Variants in GPHN observed in about 807,000 individuals in gnomAD.
GPHN encodes gephyrin.
A neutral mutation model predicts 95.5 loss-of-function variants in GPHN; 17 were observed. That is an observed-to-expected ratio of 0.18 (90% CI 0.12 to 0.27). The LOEUF (loss-of-function observed/expected upper bound fraction) is 0.27, where lower values mean the gene tolerates loss of function less well. Among genes scored for constraint, GPHN ranks in the 10% least tolerant of loss-of-function variants. The pLI, the probability that GPHN is intolerant of heterozygous loss-of-function variation, is 1.00. For missense variants in GPHN, 660 were observed against 978.1 expected (o/e 0.67, Z 4.34); for synonymous variants, 320 against 322.5 (o/e 0.99, Z 0.08).
At chr14:67,531,203 C>T in the GPHN span, among the ~76,000 whole-genome samples, 2 of 152,164 alleles carry the variant, frequency 1.3e-5, no homozygotes, top group African/African-American at 4.8e-5. Context: ...ACTGCTTGAG[C>T]CTAGGAGTTC....
At chr14:67,593,781 T>C in the GPHN span, 1 of 1,613,460 alleles carries the variant, frequency 6.2e-7, no homozygotes, top group South Asian at 1.1e-5. Flanking sequence ...TCCTTGACCT[T>C]GCCCATTTCT....
the GPHN span, among the ~76,000 whole-genome samples, chr14:67,373,129 A>T: frequency 6.6e-6 from 1 of 152,344 alleles, no homozygotes; most frequent in East Asian, 1.9e-4. Flanking sequence ...AGTTTGGCAG[A>T]TAAAATTAAC....
intron 16 of GPHN, among the ~76,000 whole-genome samples, chr14:67,120,616 G>A (rs1346038078): frequency 6.6e-6 from 1 of 152,012 alleles, no homozygotes; most frequent in Non-Finnish European, 1.5e-5. Flanking sequence ...TCAATACCCT[G>A]CTTTGAAAAA....
the GPHN span, chr14:67,555,810 T>C: frequency 9.9e-6 from 16 of 1,612,834 alleles, no homozygotes; most frequent in Non-Finnish European, 1.3e-5. Context: ...CTCCCCTTTC[T>C]CTCTGGCCAA....
At chr14:67,212,243 A>G in the GPHN span, among the ~76,000 whole-genome samples, 3 of 152,160 alleles carry the variant, frequency 2.0e-5, no homozygotes, top group Admixed American at 1.3e-4. Flanking sequence ...ATTGTCACTA[A>G]TAATTCATTT....
At chr14:67,407,628 A>G in the GPHN span, among the ~76,000 whole-genome samples, 1 of 151,730 alleles carries the variant, frequency 6.6e-6, no homozygotes, top group African/African-American at 2.4e-5. Flanking sequence ...TTTTGTAGAG[A>G]TGAGTTCTCA....
the GPHN span, among the ~76,000 whole-genome samples, chr14:67,604,061 C>G: frequency 6.6e-6 from 1 of 150,596 alleles, no homozygotes; most frequent in Admixed American, 6.6e-5. Context: ...AGCACAATCT[C>G]TACTCACTGC....
At chr14:66,758,394 T>C (rs972064910) in intron 2 of GPHN, among the ~76,000 whole-genome samples, 1 of 152,200 alleles carries the variant, frequency 6.6e-6, no homozygotes, top group African/African-American at 2.4e-5. Context: ...GAAGACGATC[T>C]TAACTGCTTT....
At chr14:66,942,904 A>C (rs1042228515) in intron 8 of GPHN, among the ~76,000 whole-genome samples, 1 of 152,128 alleles carries the variant, frequency 6.6e-6, no homozygotes, top group Non-Finnish European at 1.5e-5. Flanking sequence ...ATGAAATAGA[A>C]TTCCAGATTA....
At chr14:67,674,829 G>A in the GPHN span, 1 of 194,350 alleles carries the variant, frequency 5.1e-6, no homozygotes, top group African/African-American at 2.3e-5. Flanking sequence ...CGCAGCGAAA[G>A]GGGCCTAGGG....
At chr14:67,046,293 A>G (rs1038042690) in intron 10 of GPHN, among the ~76,000 whole-genome samples, 2 of 152,142 alleles carry the variant, frequency 1.3e-5, no homozygotes, top group African/African-American at 4.8e-5. Context: ...TCTTACTGAA[A>G]ACAGTTGTGA....
intron 1 of GPHN, among the ~76,000 whole-genome samples, chr14:66,573,041 T>A (rs750737433): frequency 3.3e-5 from 5 of 152,232 alleles, no homozygotes; most frequent in African/African-American, 7.2e-5. Context: ...ACATTTCATA[T>A]CATTGTGGTT....
chr14:67,702,958 T>C, the GPHN span, among the ~76,000 whole-genome samples: 4 of 152,040 alleles, frequency 2.6e-5, no homozygotes, highest in South Asian at 2.1e-4. Flanking sequence ...GGACTACAGG[T>C]GCGTGCCGCC....
the GPHN span, among the ~76,000 whole-genome samples, chr14:67,443,538 C>T: frequency 6.7e-6 from 1 of 150,284 alleles, no homozygotes; most frequent in South Asian, 2.1e-4. Context: ...GGATGCATTC[C>T]AAAGTACAGT....
chr14:67,343,888 G>T, the GPHN span, among the ~76,000 whole-genome samples: 1 of 152,170 alleles, frequency 6.6e-6, no homozygotes, highest in East Asian at 1.9e-4. Flanking sequence ...ATTCTTGTGA[G>T]ATTTCCATAG....
At chr14:66,873,586 G>A (rs755022862) in intron 4 of GPHN, among the ~76,000 whole-genome samples, 19 of 152,118 alleles carry the variant, frequency 1.2e-4, no homozygotes, top group Non-Finnish European at 2.1e-4. Flanking sequence ...GGGAGGGGGC[G>A]TCCACCATTA....
At position 66,922,725 on chromosome 14, in the gene GPHN, C is replaced by T. The variant is rs2153561468; in HGVS notation, c.516C>T (p.Ala172=). The change falls in exon 7 of 23, where the codon GCC becomes GCT. Residue 172 remains alanine, a synonymous_variant. Coordinates refer to ENST00000478722, the MANE Select transcript of GPHN (RefSeq NM_020806.5). ...ATGCCATTGACCTTTTACGTGATGC[C>T]ATTGTAAAAGTAAAGGAGGTGCATG... ...LPHAIDLLRD[A]IVKVKEVHDE... The T allele has an allele frequency of 6.2e-7, 1 of 1,612,440 alleles. No individual in the cohort carries two copies. Among genetic ancestry groups the T allele is most frequent in the Admixed American group, 1.7e-5 (1 of 60,000 alleles).
chr14:67,390,520 G>A, the GPHN span: 1 of 704,218 alleles, frequency 1.4e-6, no homozygotes, highest in Non-Finnish European at 2.6e-6. Context: ...CTTGGACTGT[G>A]GAAGGAAAGG....
chr14:67,252,529 G>T, the GPHN span, among the ~76,000 whole-genome samples: 2 of 152,296 alleles, frequency 1.3e-5, no homozygotes, highest in African/African-American at 4.8e-5. Context: ...AAGTACAGGA[G>T]GCCCAAAACT....
Sources: gnomAD v4.1 joint callset for allele counts (sites outside exome capture counted in the v4.1 genomes callset) on GRCh38, gnomAD v4.1.1 for gene constraint, MANE v1.5 for transcripts, NCBI Gene and HGNC (gene_info 2026-07-23, HGNC 2026-07-21) for gene names.